Variants in DMD observed in about 807,000 individuals in gnomAD.
DMD encodes mutant dystrophin.
Under a neutral mutation model 330.1 loss-of-function variants are expected in DMD, and 63 were observed. That is an observed-to-expected ratio of 0.19 (90% CI 0.16 to 0.24). DMD has a LOEUF of 0.24. DMD is among the 10% of genes least tolerant of loss of function. The probability of loss-of-function intolerance (pLI) is 1.00; values close to 1 mark genes in which losing one functional copy is unlikely to be tolerated. For synonymous variants in DMD, 1,223 were observed against 959.8 expected, an observed-to-expected ratio of 1.27 and a Z score of -5.07; for missense variants, 3,344 against 2,684.1, an observed-to-expected ratio of 1.25 and a Z score of -5.43.
At chrX:32,797,133 G>A (rs1013906431) in intron 7 of DMD, among the ~76,000 whole-genome samples, 1 of 110,670 alleles carries the variant, frequency 9.0e-6, no homozygotes. Context: ...TGTTTTTGTG[G>A]GATGGGGGGA....
chrX:31,796,811 T>C (rs2091853331), intron 50 of DMD, among the ~76,000 whole-genome samples: 1 of 111,043 alleles, frequency 9.0e-6, no homozygotes, highest in Admixed American at 9.6e-5. Flanking sequence ...GCAGGTTGAG[T>C]GACTGCTCAT....
intron 54 of DMD, among the ~76,000 whole-genome samples, chrX:31,652,309 C>T: frequency 9.0e-6 from 1 of 111,413 alleles, no homozygotes; most frequent in Non-Finnish European, 1.9e-5. Flanking sequence ...CCTCTTTGTT[C>T]TTCCACACTG....
At chrX:32,400,516 T>G (rs1481473371) in intron 30 of DMD, among the ~76,000 whole-genome samples, 1 of 111,395 alleles carries the variant, frequency 9.0e-6, no homozygotes, top group Non-Finnish European at 1.9e-5. Context: ...TGGATTGGAA[T>G]AGTTTCAGAA....
intron 7 of DMD, among the ~76,000 whole-genome samples, chrX:32,733,021 T>G (rs1221557895): frequency 9.1e-6 from 1 of 110,379 alleles, no homozygotes. Flanking sequence ...GAAACCCATC[T>G]CATGTGCAGA....
intron 22 of DMD, among the ~76,000 whole-genome samples, chrX:32,470,909 C>G (rs2040562426): frequency 8.9e-6 from 1 of 111,977 alleles, no homozygotes; most frequent in South Asian, 3.7e-4. Context: ...ATCTCAGCTT[C>G]TAAATATAAC....
chrX:32,924,993 A>T (rs1287992866), intron 2 of DMD, among the ~76,000 whole-genome samples: 1 of 110,514 alleles, frequency 9.0e-6, no homozygotes, highest in East Asian at 2.8e-4. Context: ...TATTAAGAAC[A>T]GATACACTCG....
chrX:32,910,586 C>T (rs1047227033), intron 2 of DMD, among the ~76,000 whole-genome samples: 16 of 110,312 alleles, frequency 1.5e-4, no homozygotes, highest in African/African-American at 4.6e-4. Flanking sequence ...AGGTGCCCGC[C>T]GCCATGCCTG....
intron 1 of DMD, among the ~76,000 whole-genome samples, chrX:33,183,036 T>A (rs1430304563): frequency 8.9e-6 from 1 of 112,083 alleles, no homozygotes; most frequent in Non-Finnish European, 1.9e-5. Context: ...GATGATTTTT[T>A]ATAGTGATGT....
chrX:32,751,155 C>T (rs1254484080), intron 7 of DMD, among the ~76,000 whole-genome samples: 3 of 111,576 alleles, frequency 2.7e-5, no homozygotes, highest in East Asian at 2.8e-4. Flanking sequence ...TGAAAAGACA[C>T]GTGAAAATGT....
chrX:31,917,806 A>C (rs2094629040), intron 47 of DMD, among the ~76,000 whole-genome samples: 1 of 112,730 alleles, frequency 8.9e-6, no homozygotes, highest in Admixed American at 9.4e-5. Flanking sequence ...ACCAGACAGG[A>C]GCCAACACTG....
In DMD at chrX:32,176,792, T is replaced by C. The variant is rs752268649; in HGVS notation, c.6438+40124A>G. Among the ~76,000 whole-genome samples the C allele has an allele frequency of 2.5e-3, 277 of 111,141 alleles. 1 individual carries two copies. Among genetic ancestry groups the C allele is most frequent in the Middle Eastern group, 4.6e-3 (1 of 218 alleles). On this transcript the variant is annotated intron_variant, in intron 44 of 78. Coordinates refer to ENST00000357033, the MANE Select transcript of DMD (RefSeq NM_004006.3). ...ATCACGGTCACCTTTCGTCCTGACA[T>C]CCACATTCATTTCTCTGACTACCCA... is the stretch of plus-strand genomic sequence containing the variant.
chrX:32,423,881 T>C (rs2098200889), intron 29 of DMD, among the ~76,000 whole-genome samples: 1 of 110,688 alleles, frequency 9.0e-6, no homozygotes, highest in Non-Finnish European at 1.9e-5. Flanking sequence ...ACTCACACAA[T>C]TGATGGTAGG....
At chrX:31,611,424 T>C (rs762215631) in intron 55 of DMD, among the ~76,000 whole-genome samples, 129 of 111,187 alleles carry the variant, frequency 1.2e-3, no homozygotes, top group Non-Finnish European at 2.3e-3. Flanking sequence ...AAATAAGATA[T>C]TTTGCACTCT....
chrX:31,688,773 G>A (rs1225260728), intron 52 of DMD, among the ~76,000 whole-genome samples: 1 of 111,336 alleles, frequency 9.0e-6, no homozygotes, highest in Non-Finnish European at 1.9e-5. Context: ...TATCCACCAT[G>A]ATCAAGTGGG....
rs983634000 is a variant in DMD at position 32,747,125 on chromosome X, G to A, written c.650-47832C>T. Among the ~76,000 whole-genome samples, 5 of 111,828 alleles carry A rather than the reference G, an allele frequency of 4.5e-5. No homozygotes were observed. In the South Asian group the frequency reaches 1.1e-3, roughly 25 times the overall value. The stretch of plus-strand genomic sequence containing the variant: ...GTTAATGGACACTTAGGTTGATTCC[G>A]TATCTCAACAATCTGTTTTAACAAG... On this transcript the variant is annotated intron_variant, in intron 7 of 78. Transcript: ENST00000357033.
chrX:32,759,845 G>A lies in DMD; in HGVS notation c.649+49648C>T, dbSNP rs1489584133. 2.6e-3 allele frequency among the ~76,000 whole-genome samples: 7 copies of A among 2,653 alleles called. No individual in the cohort carries two copies. The South Asian group carries it at 0.054, about 20-fold the overall frequency. The allele number at this position is 2,653 out of a possible 115,157, so 2.3% of individuals were successfully genotyped here. ...TTAAGGCAGATGCAGGTTTTTCTTG[G>A]GGGGGGGGGGGGGGCGGGGGAAGAC... On this transcript the variant is annotated intron_variant, in intron 7 of 78. Coordinates refer to ENST00000357033, the MANE Select transcript of DMD (RefSeq NM_004006.3).
chrX:31,641,293 A>T (rs188376428), intron 54 of DMD, among the ~76,000 whole-genome samples: 1 of 110,910 alleles, frequency 9.0e-6, no homozygotes, highest in Admixed American at 9.6e-5. Context: ...CGAGGTCAGG[A>T]GTTCAAGACC....
rs1159869738 is a variant in DMD at position 31,685,304 on chromosome X, A to G, written c.7661-5718T>C. Among the ~76,000 whole-genome samples the G allele has an allele frequency of 2.7e-5, 3 of 112,035 alleles. No homozygotes were observed. In the East Asian group the frequency reaches 8.4e-4, roughly 31 times the overall value. ...AAAAAGAGAGACATCTGGGGACAAA[A>G]TTATCCCAGGACATTCACATATAGG... On this transcript the variant is annotated intron_variant, in intron 52 of 78. Transcript: ENST00000357033.
At chrX:32,543,608 T>A (rs2048693109) in intron 17 of DMD, among the ~76,000 whole-genome samples, 1 of 112,222 alleles carries the variant, frequency 8.9e-6, no homozygotes, top group Non-Finnish European at 1.9e-5. Flanking sequence ...TTAATGTACA[T>A]CTTACTAGGA....
Sources: gnomAD v4.1 joint callset for allele counts (sites outside exome capture counted in the v4.1 genomes callset) on GRCh38, gnomAD v4.1.1 for gene constraint, MANE v1.5 for transcripts, NCBI Gene and HGNC (gene_info 2026-07-23, HGNC 2026-07-21) for gene names.